ROBO1: variants seen among roughly 807,000 people sequenced by gnomAD.
ROBO1 encodes the protein roundabout guidance receptor 1.
In ROBO1, 149 loss-of-function variants were observed where a neutral mutation model predicts 195.9. The ratio of observed to expected loss-of-function variants is 0.76; its 90% CI spans 0.67 to 0.87. The LOEUF (loss-of-function observed/expected upper bound fraction) is 0.87, where lower values mean the gene tolerates loss of function less well. Among genes scored for constraint, ROBO1 ranks in the 40% least tolerant of loss-of-function variants. ROBO1 has a pLI of 0.00. For synonymous variants in ROBO1, 816 were observed against 733.2 expected, an observed-to-expected ratio of 1.11 and a Z score of -1.82; for missense variants, 1,933 against 2,068.3, an observed-to-expected ratio of 0.93 and a Z score of 1.27.
At chr3:79,694,876 T>C (rs996190584) in intron 1 of ROBO1, among the ~76,000 whole-genome samples, 1 of 151,694 alleles carries the variant, frequency 6.6e-6, no homozygotes, top group African/African-American at 2.4e-5. Context: ...GAAAAGCAAT[T>C]TGACAATGAT....
intron 4 of ROBO1, among the ~76,000 whole-genome samples, chr3:78,767,401 G>T (rs2083258427): frequency 6.6e-6 from 1 of 152,070 alleles, no homozygotes; most frequent in African/African-American, 2.4e-5. Context: ...GAGTAGCTGG[G>T]ATTACAGGCA....
At chr3:79,560,533 AAT>A (rs1942874890) in intron 2 of ROBO1, among the ~76,000 whole-genome samples, 2 of 109,656 alleles carry the variant, frequency 1.8e-5, no homozygotes, top group Non-Finnish European at 3.7e-5. Flanking sequence ...TAATAATAAT[AAT>A]TATATATATA....
intron 3 of ROBO1, among the ~76,000 whole-genome samples, chr3:79,068,415 C>A (rs2079036558): frequency 6.6e-6 from 1 of 151,814 alleles, no homozygotes; most frequent in African/African-American, 2.4e-5. Context: ...TTGTCTTCAG[C>A]AATTGGCTTT....
At chr3:79,134,912 T>C (rs909373125) in intron 2 of ROBO1, among the ~76,000 whole-genome samples, 5 of 124,834 alleles carry the variant, frequency 4.0e-5, no homozygotes, top group African/African-American at 6.2e-5. Flanking sequence ...GGGGGAGGGA[T>C]AGCATTGGGA....
At chr3:79,690,436 T>C (rs1947266103) in intron 1 of ROBO1, among the ~76,000 whole-genome samples, 2 of 151,786 alleles carry the variant, frequency 1.3e-5, no homozygotes, top group African/African-American at 2.4e-5. Context: ...CTGCTAGAAG[T>C]GGGAAAAGGC....
intron 2 of ROBO1, among the ~76,000 whole-genome samples, chr3:79,560,558 T>TATATATATATATACAC (rs5850439): frequency 4.6e-5 from 6 of 129,702 alleles, no homozygotes; most frequent in Non-Finnish European, 8.0e-5. Flanking sequence ...TATATATATA[T>TATATATATATATACAC]ACACATACAC....
chr3:79,062,009 T>G (rs185129231), intron 3 of ROBO1, among the ~76,000 whole-genome samples: 1 of 152,022 alleles, frequency 6.6e-6, no homozygotes, highest in African/African-American at 2.4e-5. Flanking sequence ...TGGGATCTCA[T>G]TAAACTAAAG....
chr3:79,277,066 T>G (rs1158110340), intron 2 of ROBO1, among the ~76,000 whole-genome samples: 1 of 151,946 alleles, frequency 6.6e-6, no homozygotes, highest in Non-Finnish European at 1.5e-5. Context: ...TAGAGATTCC[T>G]CAAAAAGCTA....
chr3:78,802,594 C>A (rs7611402), intron 4 of ROBO1, among the ~76,000 whole-genome samples: 34,251 of 151,838 alleles, frequency 0.23, 4,164 homozygotes, highest in East Asian at 0.49. Context: ...CTGAGATATA[C>A]CTGAATTCTC....
rs145046774 is a variant in ROBO1 at position 79,328,322 on chromosome 3, A to G, written c.89-202783T>C. Among the ~76,000 whole-genome samples, 563 of 152,302 alleles carry G rather than the reference A, an allele frequency of 3.7e-3. 5 individuals carry two copies. Among genetic ancestry groups the G allele is most frequent in the African/African-American group, 0.013 (523 of 41,578 alleles). On this transcript the variant is annotated intron_variant, in intron 2 of 30. Coordinates refer to ENST00000464233, the MANE Select transcript of ROBO1 (RefSeq NM_002941.4). ...ACTGCCATCTTTCAAAAAATAATATATGAAGAGGACAGTTGGAAGCCTCAG... is the reference window on the plus strand; with the variant it reads ...ACTGCCATCTTTCAAAAAATAATATGTGAAGAGGACAGTTGGAAGCCTCAG...
chr3:79,003,572 A>T (rs1484979264), intron 3 of ROBO1, among the ~76,000 whole-genome samples: 1 of 152,106 alleles, frequency 6.6e-6, no homozygotes, highest in Non-Finnish European at 1.5e-5. Flanking sequence ...TACTCATATT[A>T]TCTCAATTTT....
intron 5 of ROBO1, among the ~76,000 whole-genome samples, chr3:78,740,753 A>G (rs555697968): frequency 6.6e-6 from 1 of 152,086 alleles, no homozygotes; most frequent in Non-Finnish European, 1.5e-5. Flanking sequence ...GATTACATGC[A>G]TGAGCCACCG....
chr3:78,645,965 TCAA>T (rs945249776), intron 21 of ROBO1, among the ~76,000 whole-genome samples, 180 bp downstream of exon 21: 53 of 152,194 alleles, frequency 3.5e-4, no homozygotes, highest in African/African-American at 1.3e-3. Context: ...ACTACTCCAA[TCAA>T]CTACATTTGT....
At chr3:78,701,462 C>A (rs1229496587) in intron 8 of ROBO1, among the ~76,000 whole-genome samples, 2 of 152,102 alleles carry the variant, frequency 1.3e-5, no homozygotes, top group Non-Finnish European at 2.9e-5. Flanking sequence ...GCTTTATAAG[C>A]CCCCATCCAT....
chr3:79,690,576 G>A (rs1947270206), intron 1 of ROBO1, among the ~76,000 whole-genome samples: 1 of 152,016 alleles, frequency 6.6e-6, no homozygotes, highest in African/African-American at 2.4e-5. Flanking sequence ...ACAGAATGGT[G>A]AGATTCTAAA....
intron 5 of ROBO1, among the ~76,000 whole-genome samples, chr3:78,741,311 G>A (rs779553662): frequency 5.9e-5 from 9 of 152,166 alleles, no homozygotes; most frequent in Non-Finnish European, 1.2e-4. Flanking sequence ...GCAATTGTCT[G>A]TGACCCAAAG....
intron 1 of ROBO1, among the ~76,000 whole-genome samples, chr3:79,743,704 T>C (rs562101440): frequency 1.3e-5 from 2 of 152,346 alleles, no homozygotes; most frequent in African/African-American, 4.8e-5. Context: ...GTATATATCC[T>C]TAGTTTATAA....
In ROBO1 at chr3:78,673,316, T is replaced by C. The variant is rs1188239169; in HGVS notation, c.1343-3015A>G. 3.3e-5 allele frequency among the ~76,000 whole-genome samples: 5 copies of C among 150,948 alleles called. No individual in the cohort carries two copies. The East Asian group carries it at 9.8e-4, about 29-fold the overall frequency. On this transcript the variant is annotated intron_variant, in intron 10 of 30. Transcript: ENST00000464233. ...ACTTGTTATTAGTCACTGTAGCTCA[T>C]TATTGTCAGTATAAAAATAATAGTG...
chr3:79,698,468 A>G (rs1947512109), intron 1 of ROBO1, among the ~76,000 whole-genome samples: 2 of 151,456 alleles, frequency 1.3e-5, no homozygotes, highest in Non-Finnish European at 3.0e-5. Context: ...CCACATATAG[A>G]TAAATATATA....
Sources: allele counts gnomAD v4.1 joint callset (sites outside exome capture counted in the v4.1 genomes callset), GRCh38; gene constraint gnomAD v4.1.1; transcripts MANE v1.5; gene names NCBI Gene and HGNC (gene_info 2026-07-23, HGNC 2026-07-21).